The following DOT1L variants were observed in gnomAD, a reference collection of about 807,000 sequenced individuals.
DOT1L encodes the protein DOT1 like histone lysine methyltransferase.
In DOT1L, 33 loss-of-function variants were observed where a neutral mutation model predicts 153.3. The ratio of observed to expected loss-of-function variants is 0.22; its 90% confidence interval spans 0.16 to 0.29. DOT1L has a LOEUF of 0.29. Ranked by LOEUF, DOT1L falls within the 10% of genes least tolerant of loss-of-function variation. The pLI is 1.00. For missense variants in DOT1L, 1,847 were observed against 2,119.9 expected, an observed-to-expected ratio of 0.87 and a Z score of 2.53; for synonymous variants, 1,135 against 965.1, an observed-to-expected ratio of 1.18 and a Z score of -3.26.
In DOT1L at chr19:2,210,852, C is replaced by G. The variant is rs1568356716; in HGVS notation, c.1348C>G (p.Gln450Glu). ...GTCTCAGACGGCGGCCTCCTCACCC[C>G]AGGGTGAGCCGCCCCCACGCCACGG... ...TVSQTAASSP[Q>E]DAYRSPHSPF... The change falls in exon 14 of 28, where the codon CAG (glutamine) becomes GAG (glutamate). Residue 450 changes from glutamine (Q) to glutamate (E), a missense_variant. Transcript: ENST00000398665. 6.2e-7 allele frequency: 1 copy of G among 1,611,456 alleles called. No homozygotes were observed. Among genetic ancestry groups the G allele is most frequent in the Non-Finnish European group, 8.5e-7 (1 of 1,179,154 alleles).
chr19:2,223,205 C>G, intron 24 of DOT1L, 76 bp from the exon 25 acceptor site: 1 of 1,542,246 alleles, frequency 6.5e-7, no homozygotes, highest in Non-Finnish European at 8.9e-7. Flanking sequence ...CAGGAGCCTC[C>G]TGGGGCGGGG....
In DOT1L at chr19:2,216,738, G is replaced by T; in HGVS notation, c.2381G>T (p.Arg794Met). 6.3e-7 allele frequency: 1 copy of T among 1,595,400 alleles called. No homozygotes were observed. Among genetic ancestry groups the T allele is most frequent in the Non-Finnish European group, 8.5e-7 (1 of 1,175,788 alleles). ...AGCCAGGACCACACGGTGCCCGGCAGGCCGGCTGCCAGTGAGCTGCATTCG... is the reference window on the plus strand; with the variant it reads ...AGCCAGGACCACACGGTGCCCGGCATGCCGGCTGCCAGTGAGCTGCATTCG... ...HLSQDHTVPG[R>M]PAASELHSRA... The change falls in exon 20 of 28, where the codon AGG (arginine) becomes ATG (methionine). Residue 794 changes from arginine (R) to methionine (M), a missense_variant. By Grantham distance (91) the Arg-to-Met change is moderately conservative. This residue lies in a region of DOT1L where 281 missense variants were observed against 263.6 expected (regional missense o/e 1.07). Transcript: ENST00000398665.
At chr19:2,214,631 C>G (rs563222834) in intron 19 of DOT1L, 35 bp downstream of exon 19, 15 of 1,596,224 alleles carry the variant, frequency 9.4e-6, no homozygotes, top group Middle Eastern at 1.7e-4. Flanking sequence ...CCGTGGTGTC[C>G]GAGCCTCTCC....
chr19:2,164,317 C>T, intron 1 of DOT1L, 52 bp downstream of exon 1: 1 of 1,201,990 alleles, frequency 8.3e-7, no homozygotes, highest in South Asian at 4.1e-5. Flanking sequence ...TCCTCCGCCG[C>T]CCCTGGGGAC....
At chr19:2,178,298 G>A (rs1172688165) in intron 1 of DOT1L, among the ~76,000 whole-genome samples, 1 of 144,768 alleles carries the variant, frequency 6.9e-6, no homozygotes, top group African/African-American at 2.6e-5. Context: ...GGAGGCCAAG[G>A]CAGACAGCTC....
chr19:2,215,938 C>T lies in DOT1L; in HGVS notation c.1924-343C>T, dbSNP rs117338514. ...GACTCAGCGCCCGGGGAAGCTGCCACGCTCGAGTGGCGTGTCCCTCCACAG... is the reference window on the plus strand; with the variant it reads ...GACTCAGCGCCCGGGGAAGCTGCCATGCTCGAGTGGCGTGTCCCTCCACAG... On this transcript the variant is annotated intron_variant, in intron 19 of 27. Transcript: ENST00000398665. 1,618 of 224,998 alleles carry T rather than the reference C, an allele frequency of 7.2e-3. 11 individuals are homozygous for T. The highest frequency in any genetic ancestry group is 0.011 in the Non-Finnish European group (1,263 of 116,554). The allele number at this position is 224,998 out of a possible 1,614,324, so 13.9% of individuals were successfully genotyped here.
At chr19:2,227,157 CG>C in intron 27 of DOT1L, 30 bp downstream of exon 27, 1 of 1,565,784 alleles carries the variant, frequency 6.4e-7, no homozygotes, top group Non-Finnish European at 8.6e-7. Context: ...GTCCGCCCCC[CG>C]CCCCGGCCCC....
chr19:2,213,396 A>G (rs902905984), intron 16 of DOT1L, 143 bp from the exon 17 acceptor site: 2 of 755,952 alleles, frequency 2.6e-6, no homozygotes, highest in African/African-American at 3.5e-5. Flanking sequence ...ATTTCTTGAC[A>G]TCTCAGCCCG....
At chr19:2,199,668 G>A (rs535113069) in intron 7 of DOT1L, among the ~76,000 whole-genome samples, 49 of 152,324 alleles carry the variant, frequency 3.2e-4, no homozygotes, top group South Asian at 3.1e-3. Flanking sequence ...GACCTGTCCC[G>A]GCTTCTCAGG....
chr19:2,214,230 TG>T, intron 18 of DOT1L: 1 of 864,530 alleles, frequency 1.2e-6, no homozygotes, highest in Middle Eastern at 3.6e-4. Context: ...AGGCTCGAGG[TG>T]TGGGGTCATG....
rs1350177013 is a variant in DOT1L at position 2,230,019 on chromosome 19, A to G, written c.*227A>G. 1.0e-5 allele frequency: 7 copies of G among 694,724 alleles called. No homozygotes were observed. The East Asian group carries it at 1.9e-4, about 19-fold the overall frequency. 43.0% of individuals were successfully genotyped at this position (694,724 alleles called of 1,614,324 possible). Reference sequence around the variant, plus strand: ...TATTTATCATTTTTTAAAAAGTATAAACAATTCTGACTTATTTTATTCCAT... The same window carrying G: ...TATTTATCATTTTTTAAAAAGTATAGACAATTCTGACTTATTTTATTCCAT... On this transcript the variant is annotated 3_prime_UTR_variant, in exon 28 of 28. Coordinates refer to ENST00000398665, the MANE Select transcript of DOT1L (RefSeq NM_032482.3).
intron 3 of DOT1L, among the ~76,000 whole-genome samples, chr19:2,186,922 G>A (rs916611546): frequency 3.3e-5 from 5 of 152,212 alleles, no homozygotes; most frequent in Non-Finnish European, 7.4e-5. Flanking sequence ...ATCAACAGCC[G>A]CATGGCAGGG....
At chr19:2,228,752 A>T (rs2024476942) in intron 27 of DOT1L, 1 of 985,404 alleles carries the variant, frequency 1.0e-6, no homozygotes, top group Non-Finnish European at 1.2e-6. Context: ...CACCAGGCCC[A>T]GGTCACTCAT....
At chr19:2,182,048 C>T (rs2022264630) in intron 2 of DOT1L, among the ~76,000 whole-genome samples, 1 of 151,958 alleles carries the variant, frequency 6.6e-6, no homozygotes, top group Non-Finnish European at 1.5e-5. Context: ...CTTGGGGAAA[C>T]CCTGTCTCTA....
Position 2,214,444 on chromosome 19 carries a change from G to A in DOT1L, c.1798-27G>A, listed in dbSNP as rs562734570. 17 of 1,607,834 alleles carry A rather than the reference G, an allele frequency of 1.1e-5. No homozygotes were observed. In the Admixed American group the frequency reaches 1.5e-4, roughly 14 times the overall value. On this transcript the variant is annotated intron_variant, in intron 18 of 27. Coordinates refer to ENST00000398665, the MANE Select transcript of DOT1L (RefSeq NM_032482.3). ...GTGCTGGGCAGGCAGCCAGCCAGTC[G>A]CAACTGTCCCATCCCTATCCCCTCA... is the stretch of plus-strand genomic sequence containing the variant.
Position 2,185,918 on chromosome 19 carries a change from T to C in DOT1L, c.189T>C (p.Tyr63=), listed in dbSNP as rs2144718878. ...TGGAGAATTACGTTTTAATTGACTA[T>C]GACACCAAAAGGTAAGCAGAGTCCT... is the stretch of plus-strand genomic sequence containing the variant. ...LAMENYVLID[Y]DTKSFESMQR... is the part of the protein sequence containing the mutation. Residue 63 remains tyrosine, a synonymous_variant, in exon 3 of 28, where the codon TAT becomes TAC. Transcript: ENST00000398665. 1 of 1,614,124 alleles carries C rather than the reference T, an allele frequency of 6.2e-7. No homozygotes were observed. The highest frequency in any genetic ancestry group is 8.5e-7 in the Non-Finnish European group (1 of 1,179,992).
rs748011647 is a variant in DOT1L, at chr19:2,210,871, G to A, written c.1351+16G>A. 6.0e-5 allele frequency: 96 copies of A among 1,610,240 alleles called. No homozygotes were observed. Among genetic ancestry groups the A allele is most frequent in the Non-Finnish European group, 7.1e-5 (84 of 1,178,838 alleles). ...TCACCCCAGGGTGAGCCGCCCCCAC[G>A]CCACGGCCCCCGCTCTCCCCGAGTG... On this transcript the variant is annotated intron_variant, in intron 14 of 27. Transcript: ENST00000398665.
rs751548170 is a variant in DOT1L, at chr19:2,222,580, G to A, written c.3390+21G>A. On this transcript the variant is annotated intron_variant, in intron 24 of 27. Transcript: ENST00000398665. This position sits in a 1 kb window ranked among gnomAD's most constrained non-coding sequence, Gnocchi z 6.5. Reference sequence around the variant, plus strand: ...CCATGGTAAGGATGGGGACCGGCAGGGCTGGGGAGCGCGGCCTGTGAAAGA... The same window carrying A: ...CCATGGTAAGGATGGGGACCGGCAGAGCTGGGGAGCGCGGCCTGTGAAAGA... 2.0e-6 allele frequency: 3 copies of A among 1,521,352 alleles called. No homozygotes were observed. Among genetic ancestry groups the A allele is most frequent in the East Asian group, 2.3e-5 (1 of 43,952 alleles). 94.2% of individuals were successfully genotyped at this position (1,521,352 alleles called of 1,614,324 possible).
intron 2 of DOT1L, among the ~76,000 whole-genome samples, chr19:2,184,404 C>T (rs1314297797): frequency 4.6e-5 from 7 of 152,036 alleles, no homozygotes; most frequent in African/African-American, 1.7e-4. Flanking sequence ...TGGAGGGCAC[C>T]CGGACCTGAG....
Sources: gnomAD v4.1 joint callset for allele counts (sites outside exome capture counted in the v4.1 genomes callset) on GRCh38, gnomAD v4.1.1 for gene constraint, gnomAD v4.1.1 regional missense constraint, Gnocchi (gnomAD v3.1) non-coding constraint, MANE v1.5 for transcripts, NCBI Gene and HGNC (gene_info 2026-07-23, HGNC 2026-07-21) for gene names.